The following FBXO17 variants were observed in gnomAD, a reference collection of about 807,000 sequenced individuals.
FBXO17 encodes the protein F-box protein 17.
Under a neutral mutation model 34.1 loss-of-function variants are expected in FBXO17, and 43 were observed. The ratio of observed to expected loss-of-function variants is 1.26; its 90% CI spans 0.99 to 1.62. The LOEUF (loss-of-function observed/expected upper bound fraction) is 1.62, where lower values mean the gene tolerates loss of function less well. Ranked by LOEUF, FBXO17 falls within the 40% of genes most tolerant of loss-of-function variation. The pLI, the probability that FBXO17 is intolerant of heterozygous loss-of-function variation, is 0.00. For synonymous variants in FBXO17, 169 were observed against 166.0 expected, an observed-to-expected ratio of 1.02 and a Z score of -0.14; for missense variants, 424 against 386.7, an observed-to-expected ratio of 1.10 and a Z score of -0.81.
At chr19:38,966,309 G>GTGTGTGTGTGTGTA (rs199862400) in intron 1 of FBXO17, among the ~76,000 whole-genome samples, 1 of 151,392 alleles carries the variant, frequency 6.6e-6, no homozygotes, top group African/African-American at 2.4e-5. Context: ...GTGTGTGTGT[G>GTGTGTGTGTGTGTA]TGTGTGTGTG....
At chr19:38,958,408 A>G (rs1372475039) in intron 1 of FBXO17, among the ~76,000 whole-genome samples, 7 of 32,272 alleles carry the variant, frequency 2.2e-4, no homozygotes, top group South Asian at 1.7e-3. Flanking sequence ...AACTGTCTCA[A>G]AAAAAAAAAA....
rs770602492 is a variant in FBXO17, at chr19:38,944,926, C to A, written c.693+43G>T. ...GCAGACGAGAGGCTGGGCGTGTGTGCCTTTAGCGGGTCGGGGGGAGCTGGA... is the reference window on the plus strand; with the variant it reads ...GCAGACGAGAGGCTGGGCGTGTGTGACTTTAGCGGGTCGGGGGGAGCTGGA... On this transcript the variant is annotated intron_variant, in intron 5 of 5. Transcript: ENST00000292852. 127 of 1,610,070 alleles carry A rather than the reference C, an allele frequency of 7.9e-5. No homozygotes were observed. The Admixed American group carries it at 2.0e-3, about 26-fold the overall frequency.
chr19:38,962,734 T>TA (rs1316958612), intron 1 of FBXO17, among the ~76,000 whole-genome samples: 2 of 151,994 alleles, frequency 1.3e-5, no homozygotes, highest in African/African-American at 2.4e-5. Flanking sequence ...CTTTTTTTTT[T>TA]GAGATGGAGT....
At chr19:38,964,862 C>T (rs920116117) in intron 1 of FBXO17, among the ~76,000 whole-genome samples, 3 of 152,078 alleles carry the variant, frequency 2.0e-5, no homozygotes, top group East Asian at 1.9e-4. Flanking sequence ...ATCTGGCATC[C>T]GGGAGTGAGC....
intron 1 of FBXO17, among the ~76,000 whole-genome samples, chr19:38,955,825 G>A (rs2030613213): frequency 6.6e-6 from 1 of 152,092 alleles, no homozygotes; most frequent in African/African-American, 2.4e-5. Flanking sequence ...CCAATGGCAA[G>A]TCACTTAATC....
Position 38,942,490 on chromosome 19 carries a change from G to A in FBXO17, c.*118C>T, listed in dbSNP as rs879897920. ...TTGCCCAGGCTGGTCTTGAACTCCC[G>A]AGCTCCAGTGATCCTCCCACCTCGG... On this transcript the variant is annotated 3_prime_UTR_variant, in exon 6 of 6. Transcript: ENST00000292852. 64 of 1,127,572 alleles carry A rather than the reference G, an allele frequency of 5.7e-5. No individual in the cohort carries two copies. The highest frequency in any genetic ancestry group is 3.0e-4 in the Admixed American group (9 of 30,472). 69.8% of individuals were successfully genotyped at this position (1,127,572 alleles called of 1,614,324 possible). A position where few individuals can be genotyped will look rare whatever the true frequency, so the allele number is the denominator to read the frequency against.
intron 3 of FBXO17, among the ~76,000 whole-genome samples, chr19:38,947,932 T>C (rs796588024): frequency 6.6e-6 from 1 of 151,498 alleles, no homozygotes; most frequent in African/African-American, 2.4e-5. Flanking sequence ...CAGAATTATA[T>C]GTAAAGTGTC....
rs543193420 is a variant in FBXO17 at position 38,967,961 on chromosome 19, T to C, written c.-18+7625A>G. Among the ~76,000 whole-genome samples the C allele has an allele frequency of 1.4e-4, 21 of 152,242 alleles. No individual in the cohort carries two copies. The South Asian group carries it at 4.4e-3, about 32-fold the overall frequency. On this transcript the variant is annotated intron_variant, in intron 1 of 5. Coordinates refer to ENST00000292852, the MANE Select transcript of FBXO17 (RefSeq NM_024907.7). ...CGATACTGACAGGTGTAGTCGAGGA[T>C]ATAAAGAAACTGGAACCCTCAGGCA...
chr19:38,942,706 A>G lies in FBXO17; in HGVS notation c.739T>C (p.Ser247Pro). The G allele has an allele frequency of 6.2e-7, 1 of 1,606,064 alleles. No individual in the cohort carries two copies. The highest frequency in any genetic ancestry group is 8.5e-7 in the Non-Finnish European group (1 of 1,176,808). ...ACGTCTCTCCCGTACTGCTCAAAAG[A>G]TACGTAGCGGATGCCCTTGCCAAAG... ...TNFGKGIRYV[S>P]FEQYGRDVSS... The change falls in exon 6 of 6, where the codon TCT (serine) becomes CCT (proline). Residue 247 changes from serine (S) to proline (P), a missense_variant. Transcript: ENST00000292852.
At chr19:38,974,004 T>C (rs1307633700) in intron 1 of FBXO17, among the ~76,000 whole-genome samples, 3 of 132,672 alleles carry the variant, frequency 2.3e-5, no homozygotes, top group Non-Finnish European at 4.9e-5. Flanking sequence ...AGACAGGGTC[T>C]CAAATATATA....
chr19:38,954,495 C>A (rs1975133082), intron 1 of FBXO17, among the ~76,000 whole-genome samples: 1 of 150,658 alleles, frequency 6.6e-6, no homozygotes, highest in Non-Finnish European at 1.5e-5. Flanking sequence ...GTCTCGAACT[C>A]CCGAACTCAG....
At chr19:38,963,469 AT>A (rs962626832) in intron 1 of FBXO17, among the ~76,000 whole-genome samples, 3 of 150,736 alleles carry the variant, frequency 2.0e-5, no homozygotes, top group African/African-American at 7.3e-5. Context: ...TAATTTTTAA[AT>A]TTTTTTTGAG....
At chr19:38,949,812 C>A (rs948275067) in intron 2 of FBXO17, 159 bp downstream of exon 2, 18 of 926,426 alleles carry the variant, frequency 1.9e-5, no homozygotes, top group East Asian at 8.8e-5. Flanking sequence ...GCCCCGCCCA[C>A]CGGGCCTACC....
At chr19:38,967,754 ATGGGTCTT>A in intron 1 of FBXO17, among the ~76,000 whole-genome samples, 1 of 151,914 alleles carries the variant, frequency 6.6e-6, no homozygotes, top group African/African-American at 2.4e-5. Flanking sequence ...TTCTATAGAG[ATGGGTCTT>A]CCTATATTGC....
intron 1 of FBXO17, among the ~76,000 whole-genome samples, chr19:38,971,145 G>T (rs1490753159): frequency 1.3e-5 from 2 of 151,468 alleles, no homozygotes; most frequent in East Asian, 3.9e-4. Context: ...AATGCATCTG[G>T]CCCCAAGAGC....
intron 1 of FBXO17, among the ~76,000 whole-genome samples, chr19:38,955,487 T>TG (rs111564808): frequency 2.1e-5 from 3 of 139,546 alleles, no homozygotes; most frequent in Admixed American, 2.1e-4. Context: ...TTTCTTTCTT[T>TG]TTTTTTTTTT....
At chr19:38,959,466 T>C (rs1176540516) in intron 1 of FBXO17, among the ~76,000 whole-genome samples, 1 of 148,324 alleles carries the variant, frequency 6.7e-6, no homozygotes, top group Non-Finnish European at 1.5e-5. Flanking sequence ...TTTTTTTTTT[T>C]AGTAGAGACG....
At chr19:38,961,007 T>C (rs2144833665) in intron 1 of FBXO17, among the ~76,000 whole-genome samples, 1 of 150,280 alleles carries the variant, frequency 6.7e-6, no homozygotes, top group South Asian at 2.1e-4. Context: ...GGGGTTTCAC[T>C]GTGTTGGCCA....
chr19:38,966,293 TTGTGTG>T (rs10569438), intron 1 of FBXO17, among the ~76,000 whole-genome samples: 10 of 142,942 alleles, frequency 7.0e-5, no homozygotes, highest in Admixed American at 3.6e-4. Flanking sequence ...ATTAAAAATT[TTGTGTG>T]TGTGTGTGTG....
Sources: allele counts gnomAD v4.1 joint callset (sites outside exome capture counted in the v4.1 genomes callset), GRCh38; gene constraint gnomAD v4.1.1; transcripts MANE v1.5; gene names NCBI Gene and HGNC (gene_info 2026-07-23, HGNC 2026-07-21).